The following LYPD6 variants were observed in gnomAD, a reference collection of about 807,000 sequenced individuals.
LYPD6 encodes the protein LY6/PLAUR domain containing 6, also known as ly6/PLAUR domain-containing protein 6.
Under a neutral mutation model 22.7 loss-of-function variants are expected in LYPD6, and 15 were observed. The observed-to-expected ratio is 0.66, with a 90% CI of 0.44 to 1.02. The LOEUF (loss-of-function observed/expected upper bound fraction) is 1.02, where lower values mean the gene tolerates loss of function less well. Among genes scored for constraint, LYPD6 ranks in the 50% least tolerant of loss-of-function variants. The pLI is 0.00. For missense variants in LYPD6, 189 were observed against 208.4 expected (o/e 0.91, Z 0.57); for synonymous variants, 72 against 77.5 (o/e 0.93, Z 0.37).
rs571993512 is a variant in LYPD6, at chr2:149,384,792, A to AT, written c.-71-52845dup. Among the ~76,000 whole-genome samples, 158 of 151,994 alleles carry AT rather than the reference A, an allele frequency of 1.0e-3. 1 individual carries two copies. The highest frequency in any genetic ancestry group is 3.2e-3 in the African/African-American group (131 of 41,448). On this transcript the variant is annotated intron_variant, in intron 1 of 4. Coordinates refer to ENST00000334166, the MANE Select transcript of LYPD6 (RefSeq NM_194317.5). The stretch of plus-strand genomic sequence containing the variant: ...TGTGCACAGTGTGCAGGTTAGTTAC[A>AT]TATGTATACATGTGCCATGCTGGTG...
chr2:149,375,314 C>G (rs778004769), intron 1 of LYPD6, among the ~76,000 whole-genome samples: 1 of 151,942 alleles, frequency 6.6e-6, no homozygotes, highest in South Asian at 2.1e-4. Context: ...TGGGTCTTGG[C>G]GAGATGAAGT....
rs538479521 is a variant in LYPD6 at position 149,473,449 on chromosome 2, T to C, written c.*2599T>C. 7 of 152,772 alleles carry C rather than the reference T, an allele frequency of 4.6e-5. No individual in the cohort carries two copies. The highest frequency in any genetic ancestry group is 1.7e-4 in the African/African-American group (7 of 41,588). 9.5% of individuals were successfully genotyped at this position (152,772 alleles called of 1,614,324 possible). On this transcript the variant is annotated 3_prime_UTR_variant, in exon 5 of 5. Coordinates refer to ENST00000334166, the MANE Select transcript of LYPD6 (RefSeq NM_194317.5). ...CTTTTCTACCACATTAAATTCTCCATTACATCTCAATATTGGTAATGGCTT... is the reference window on the plus strand; with the variant it reads ...CTTTTCTACCACATTAAATTCTCCACTACATCTCAATATTGGTAATGGCTT...
intron 1 of LYPD6, among the ~76,000 whole-genome samples, chr2:149,361,540 C>T (rs563334682): frequency 6.6e-6 from 1 of 152,230 alleles, no homozygotes; most frequent in African/African-American, 2.4e-5. Context: ...CTTTCTTGGT[C>T]GAGATAAACA....
intron 1 of LYPD6, among the ~76,000 whole-genome samples, chr2:149,413,050 T>C (rs955185867): frequency 2.0e-5 from 3 of 152,226 alleles, no homozygotes; most frequent in African/African-American, 4.8e-5. Context: ...TACACTCATC[T>C]CCAAAACTCT....
chr2:149,416,261 G>C (rs2105127641), intron 1 of LYPD6, among the ~76,000 whole-genome samples: 1 of 152,254 alleles, frequency 6.6e-6, no homozygotes, highest in South Asian at 2.1e-4. Context: ...TTATCACCTT[G>C]GTGGGTCTTG....
intron 1 of LYPD6, among the ~76,000 whole-genome samples, chr2:149,430,797 A>C (rs138485583): frequency 5.1e-4 from 77 of 152,362 alleles, no homozygotes; most frequent in African/African-American, 1.8e-3. Context: ...TCTAGTGACC[A>C]GTTTAAGTGG....
intron 3 of LYPD6, among the ~76,000 whole-genome samples, chr2:149,449,427 A>G (rs1683761322): frequency 2.0e-5 from 3 of 152,240 alleles, no homozygotes; most frequent in Admixed American, 6.5e-5. Context: ...GTAGGAAAAG[A>G]GAACAGCCAG....
intron 1 of LYPD6, among the ~76,000 whole-genome samples, chr2:149,402,311 A>G (rs1450787779): frequency 2.6e-5 from 4 of 152,020 alleles, no homozygotes; most frequent in African/African-American, 4.8e-5. Context: ...GGCTGGTTCC[A>G]TATTTTTACA....
At chr2:149,449,987 C>T (rs1420809235) in intron 3 of LYPD6, among the ~76,000 whole-genome samples, 3 of 152,220 alleles carry the variant, frequency 2.0e-5, no homozygotes, top group East Asian at 1.9e-4. Context: ...CATACTTAAC[C>T]CAGTGAATGG....
intron 1 of LYPD6, among the ~76,000 whole-genome samples, chr2:149,340,587 C>T (rs1251561570): frequency 6.6e-6 from 1 of 152,162 alleles, no homozygotes; most frequent in African/African-American, 2.4e-5. Context: ...TTACCGGCTA[C>T]ACCATTAACT....
intron 3 of LYPD6, among the ~76,000 whole-genome samples, chr2:149,459,838 G>T (rs1681047718): frequency 6.6e-6 from 1 of 151,376 alleles, no homozygotes; most frequent in South Asian, 2.1e-4. Flanking sequence ...GGAGGCGGAG[G>T]TTACAGTGAG....
chr2:149,468,132 AACACACACAC>A (rs58309346), intron 3 of LYPD6, among the ~76,000 whole-genome samples: 1,758 of 114,700 alleles, frequency 0.015, 31 homozygotes, highest in African/African-American at 0.042. Flanking sequence ...GCTTCCCCCC[AACACACACAC>A]ACACACACAC....
intron 1 of LYPD6, among the ~76,000 whole-genome samples, chr2:149,405,515 T>C (rs1682680686): frequency 1.3e-5 from 2 of 152,256 alleles, no homozygotes; most frequent in Non-Finnish European, 2.9e-5. Flanking sequence ...TTCTAGTTTA[T>C]TTGCATAGAG....
intron 1 of LYPD6, among the ~76,000 whole-genome samples, chr2:149,403,133 T>A (rs1435110536): frequency 4.6e-5 from 7 of 152,062 alleles, no homozygotes; most frequent in African/African-American, 1.4e-4. Flanking sequence ...TCTATCATTG[T>A]TGGACATTTG....
chr2:149,404,062 T>C (rs1167400837), intron 1 of LYPD6, among the ~76,000 whole-genome samples: 1 of 152,224 alleles, frequency 6.6e-6, no homozygotes, highest in Non-Finnish European at 1.5e-5. Context: ...CCATTATTTC[T>C]GAAGGCTCTG....
chr2:149,423,005 AT>A (rs1314216654), intron 1 of LYPD6, among the ~76,000 whole-genome samples: 1 of 151,932 alleles, frequency 6.6e-6, no homozygotes, highest in African/African-American at 2.4e-5. Context: ...TTGTATACTT[AT>A]TTGATTATTG....
At chr2:149,408,615 T>C (rs1447120525) in intron 1 of LYPD6, among the ~76,000 whole-genome samples, 6 of 152,344 alleles carry the variant, frequency 3.9e-5, no homozygotes, top group Non-Finnish European at 8.8e-5. Context: ...TAAAATTTTT[T>C]CTTTGTCTTT....
chr2:149,424,670 A>G (rs1683153842), intron 1 of LYPD6, among the ~76,000 whole-genome samples: 1 of 152,188 alleles, frequency 6.6e-6, no homozygotes, highest in Admixed American at 6.5e-5. Flanking sequence ...TCAGTAGTGA[A>G]TTGAAGGAAA....
At chr2:149,483,117 G>A in the LYPD6 span, among the ~76,000 whole-genome samples, 1 of 152,182 alleles carries the variant, frequency 6.6e-6, no homozygotes, top group Admixed American at 6.5e-5. Flanking sequence ...GAAACCAGTT[G>A]TCTGTGGACC....
Sources: allele counts gnomAD v4.1 joint callset (sites outside exome capture counted in the v4.1 genomes callset), GRCh38; gene constraint gnomAD v4.1.1; transcripts MANE v1.5; gene names NCBI Gene and HGNC (gene_info 2026-07-23, HGNC 2026-07-21).